Variants in ARHGEF4 observed in about 807,000 individuals in gnomAD.
The protein encoded by ARHGEF4 is Rho guanine nucleotide exchange factor 4.
In ARHGEF4, 119 loss-of-function variants were observed where a neutral mutation model predicts 162.0. The observed-to-expected ratio is 0.73, with a 90% CI of 0.63 to 0.86. The LOEUF is 0.86. ARHGEF4 is among the 40% of genes least tolerant of loss of function. The pLI is 0.00. For missense variants in ARHGEF4, 2,488 were observed against 2,456.0 expected (o/e 1.01, Z -0.28); for synonymous variants, 1,014 against 979.9 (o/e 1.03, Z -0.65).
chr2:130,895,328 A>T (rs1332334012), intron 1 of ARHGEF4, among the ~76,000 whole-genome samples: 1 of 152,188 alleles, frequency 6.6e-6, no homozygotes. Flanking sequence ...TCATACACCA[A>T]CCATGGGCAT....
At chr2:130,946,853 A>T in intron 4 of ARHGEF4, 1 of 490,952 alleles carries the variant, frequency 2.0e-6, no homozygotes, top group South Asian at 2.4e-5. Context: ...CTGTAATCCC[A>T]GCACTTTGAG....
At chr2:131,009,644 A>G (rs1265592298) in intron 4 of ARHGEF4, among the ~76,000 whole-genome samples, 4 of 152,114 alleles carry the variant, frequency 2.6e-5, no homozygotes, top group Non-Finnish European at 5.9e-5. Context: ...TATTCAGTAA[A>G]TATTTTTATT....
intron 4 of ARHGEF4, among the ~76,000 whole-genome samples, chr2:131,018,887 A>G (rs765204897): frequency 6.6e-6 from 1 of 152,196 alleles, no homozygotes; most frequent in Non-Finnish European, 1.5e-5. Flanking sequence ...TCGAAAATCA[A>G]TTGACCACAT....
chr2:131,040,228 G>T (rs1451350765), intron 7 of ARHGEF4, 33 bp from the exon 8 acceptor site: 1 of 1,609,310 alleles, frequency 6.2e-7, no homozygotes, highest in South Asian at 1.1e-5. Context: ...CTGGGGACCC[G>T]GTCGGGGGAG....
At chr2:130,951,675 A>G (rs920447149) in intron 4 of ARHGEF4, among the ~76,000 whole-genome samples, 5 of 151,844 alleles carry the variant, frequency 3.3e-5, no homozygotes, top group Non-Finnish European at 5.9e-5. Context: ...TTTATTAATG[A>G]TTCTTTCACT....
intron 1 of ARHGEF4, among the ~76,000 whole-genome samples, chr2:130,882,036 G>A (rs537273706): frequency 3.9e-5 from 6 of 152,188 alleles, no homozygotes; most frequent in East Asian, 1.9e-4. Context: ...GAGAATGGCC[G>A]GACAGGAAGC....
chr2:130,983,889 T>C (rs1470819041), intron 4 of ARHGEF4, among the ~76,000 whole-genome samples: 1 of 152,194 alleles, frequency 6.6e-6, no homozygotes, highest in African/African-American at 2.4e-5. Flanking sequence ...GACCTTGTGA[T>C]CTGCCCGCTT....
chr2:130,837,233 C>T (rs1179807889), intron 1 of ARHGEF4, among the ~76,000 whole-genome samples: 1 of 152,068 alleles, frequency 6.6e-6, no homozygotes, highest in Admixed American at 6.5e-5. Context: ...GCGGTAGGGA[C>T]GGCGGCCCGG....
chr2:130,855,174 C>T (rs917420372), intron 1 of ARHGEF4, among the ~76,000 whole-genome samples: 2 of 151,910 alleles, frequency 1.3e-5, no homozygotes, highest in Admixed American at 6.6e-5. Context: ...CGCGCCCGGC[C>T]GGAGGAGTCT....
intron 3 of ARHGEF4, among the ~76,000 whole-genome samples, chr2:130,945,414 T>A (rs938405392): frequency 2.0e-5 from 3 of 152,058 alleles, no homozygotes; most frequent in African/African-American, 7.2e-5. Context: ...TTCCTGTCCC[T>A]CAGAATTTTA....
intron 1 of ARHGEF4, among the ~76,000 whole-genome samples, chr2:130,910,855 A>G (rs1320336710): frequency 1.3e-5 from 2 of 152,238 alleles, no homozygotes; most frequent in African/African-American, 2.4e-5. Flanking sequence ...AATAAGTCAC[A>G]GGTCAAAAAG....
At chr2:130,971,377 T>C (rs1685354259) in intron 4 of ARHGEF4, among the ~76,000 whole-genome samples, 1 of 152,168 alleles carries the variant, frequency 6.6e-6, no homozygotes, top group Non-Finnish European at 1.5e-5. Context: ...CTTGTCAATA[T>C]CAGTTAGGTG....
chr2:131,035,832 G>A (rs147617789), intron 5 of ARHGEF4: 48 of 985,376 alleles, frequency 4.9e-5, no homozygotes, highest in Non-Finnish European at 5.5e-5. Context: ...CACCCTGCAC[G>A]TCTGGTAGGT....
intron 1 of ARHGEF4, among the ~76,000 whole-genome samples, chr2:130,903,177 A>T: frequency 6.7e-6 from 1 of 148,986 alleles, no homozygotes; most frequent in Non-Finnish European, 1.5e-5. Context: ...GCCTGTTTTG[A>T]AATCCTTGTC....
At chr2:130,894,514 G>C (rs912434251) in intron 1 of ARHGEF4, among the ~76,000 whole-genome samples, 1 of 152,220 alleles carries the variant, frequency 6.6e-6, no homozygotes. Context: ...GAGCAGTGCA[G>C]GCGAGGGTGT....
chr2:131,036,963 T>A (rs548073629), intron 5 of ARHGEF4, among the ~76,000 whole-genome samples: 108 of 152,290 alleles, frequency 7.1e-4, no homozygotes, highest in African/African-American at 2.4e-3. Flanking sequence ...TATGGTCGCC[T>A]GAGCCCTCCT....
chr2:130,960,867 A>C (rs891902405), intron 4 of ARHGEF4, among the ~76,000 whole-genome samples: 1 of 152,092 alleles, frequency 6.6e-6, no homozygotes, highest in Non-Finnish European at 1.5e-5. Context: ...AAATGGGGAC[A>C]CTCTACCCTT....
chr2:131,012,872 C>T (rs572814559), intron 4 of ARHGEF4, among the ~76,000 whole-genome samples: 6 of 152,258 alleles, frequency 3.9e-5, no homozygotes, highest in African/African-American at 7.2e-5. Flanking sequence ...TGAGCCACCG[C>T]GCCTGGCTAT....
chr2:130,981,296 C>T (rs1256203229), intron 4 of ARHGEF4, among the ~76,000 whole-genome samples: 1 of 152,128 alleles, frequency 6.6e-6, no homozygotes, highest in Non-Finnish European at 1.5e-5. Context: ...AAATAAATGC[C>T]TTCTACTAAA....
Sources: gnomAD v4.1 joint callset for allele counts (sites outside exome capture counted in the v4.1 genomes callset) on GRCh38, gnomAD v4.1.1 for gene constraint, MANE v1.5 for transcripts, NCBI Gene and HGNC (gene_info 2026-07-23, HGNC 2026-07-21) for gene names.